Variants in LEPROTL1 observed in about 807,000 individuals in gnomAD.
LEPROTL1 encodes the protein leptin receptor overlapping transcript like 1.
Under a neutral mutation model 15.4 loss-of-function variants are expected in LEPROTL1, and 6 were observed. The ratio of observed to expected loss-of-function variants is 0.39; its 90% CI spans 0.21 to 0.77. The LOEUF (loss-of-function observed/expected upper bound fraction) is 0.77. Ranked by LOEUF, LEPROTL1 falls within the 30% of genes least tolerant of loss-of-function variation. LEPROTL1 has a pLI of 0.41. For missense variants in LEPROTL1, 128 were observed against 158.1 expected, an observed-to-expected ratio of 0.81 and a Z score of 1.02; for synonymous variants, 56 against 52.6, an observed-to-expected ratio of 1.06 and a Z score of -0.28.
chr8:30,102,057 G>C, intron 2 of LEPROTL1, 84 bp downstream of exon 2: 3 of 750,942 alleles, frequency 4.0e-6, no homozygotes, highest in Non-Finnish European at 6.6e-6. Context: ...TTTTACTACT[G>C]TAAAAGTAAT....
At chr8:30,121,845 A>G (rs1017708825) in intron 3 of LEPROTL1, among the ~76,000 whole-genome samples, 1 of 134,146 alleles carries the variant, frequency 7.5e-6, no homozygotes, top group African/African-American at 2.8e-5. Context: ...CATTCCAGTG[A>G]TTTCTTTTTT....
chr8:30,103,913 T>C (rs918743864), intron 2 of LEPROTL1, among the ~76,000 whole-genome samples: 1 of 152,118 alleles, frequency 6.6e-6, no homozygotes, highest in African/African-American at 2.4e-5. Flanking sequence ...GTTGTGAAAA[T>C]CATACACAGA....
rs1803054009 is a variant in LEPROTL1, at chr8:30,132,760, G to A, written c.394+271G>A. 1.3e-6 allele frequency: 2 copies of A among 1,551,578 alleles called. No individual in the cohort carries two copies. The highest frequency in any genetic ancestry group is 2.4e-5 in the East Asian group (1 of 40,926). ...GAAAAAGAGCAAGTAGCTGAAATAG[G>A]GCAGTGCCTTACACACATGCTCAGA... On this transcript the variant is annotated intron_variant, in intron 4 of 4. Coordinates refer to the LEPROTL1 transcript ENST00000442880.
At chr8:30,097,671 C>CAAAA (rs72163652) in intron 1 of LEPROTL1, among the ~76,000 whole-genome samples, 1,645 of 29,142 alleles carry the variant, frequency 0.056, 180 homozygotes, top group East Asian at 0.35. Flanking sequence ...GACTCTGTCT[C>CAAAA]AAAAAAAAAA....
Position 30,104,469 on chromosome 8 carries a change from T to C in LEPROTL1, c.262T>C (p.Phe88Leu), listed in dbSNP as rs1260770418. 9 of 1,605,966 alleles carry C rather than the reference T, an allele frequency of 5.6e-6. No individual in the cohort carries two copies. Among genetic ancestry groups the C allele is most frequent in the Non-Finnish European group, 7.7e-6 (9 of 1,176,388 alleles). The change falls in exon 3 of 4, where the codon TTT becomes CTT. Residue 88 changes from phenylalanine (F) to leucine (L), a missense_variant. Coordinates refer to ENST00000321250, the MANE Select transcript of LEPROTL1 (RefSeq NM_015344.3). ...VVSAFGLPIV[F>L]ARAHLIEWGA... ...GTCAGCTTTTGGACTCCCTATTGTA[T>C]TTGCCAGAGCACATCTGGTAAGTGA...
At chr8:30,123,636 A>T (rs551949961) in intron 3 of LEPROTL1, among the ~76,000 whole-genome samples, 2 of 152,340 alleles carry the variant, frequency 1.3e-5, no homozygotes, top group Admixed American at 6.5e-5. Flanking sequence ...ATATACACAC[A>T]TACAAACCTC....
At chr8:30,120,989 C>A (rs1212302216) in intron 3 of LEPROTL1, among the ~76,000 whole-genome samples, 1 of 152,190 alleles carries the variant, frequency 6.6e-6, no homozygotes, top group Non-Finnish European at 1.5e-5. Flanking sequence ...CCCCTGCTCC[C>A]AGCCCCTGGC....
Position 30,105,764 on chromosome 8 carries a change from G to A in LEPROTL1, c.298G>A (p.Ala100Thr), listed in dbSNP as rs749057013. 12 of 1,589,146 alleles carry A rather than the reference G, an allele frequency of 7.6e-6. No individual in the cohort carries two copies. In the Middle Eastern group the frequency reaches 1.0e-3, roughly 133 times the overall value. The change falls in exon 4 of 4, where the codon GCA becomes ACA. Residue 100 changes from alanine to threonine, a missense_variant. By Grantham distance (58) the Ala-to-Thr change is moderately conservative. Coordinates refer to ENST00000321250, the MANE Select transcript of LEPROTL1 (RefSeq NM_015344.3). ...TCCATAGATTGAGTGGGGAGCTTGT[G>A]CACTTGTTCTCACAGGAAACACAGT... ...RAHLIEWGAC[A>T]LVLTGNTVIF...
At chr8:30,110,922 G>T (rs191505708), downstream of LEPROTL1, among the ~76,000 whole-genome samples, 60 of 152,184 alleles carry the variant, frequency 3.9e-4, no homozygotes, top group African/African-American at 1.3e-3. Context: ...ATTTAATATT[G>T]GAAGTATCTT....
At chr8:30,136,730 C>CTTTTTTTT (rs11390350) in intron 4 of LEPROTL1, among the ~76,000 whole-genome samples, 1 of 143,788 alleles carries the variant, frequency 7.0e-6, no homozygotes, top group African/African-American at 2.6e-5. Flanking sequence ...TCCCCCCGAA[C>CTTTTTTTT]TTTTTTTTTT....
intron 1 of LEPROTL1, among the ~76,000 whole-genome samples, chr8:30,100,459 A>AT (rs886436686): frequency 6.6e-5 from 10 of 152,078 alleles, no homozygotes; most frequent in East Asian, 3.9e-4. Flanking sequence ...TTATTTATTT[A>AT]TTTTTTTTGA....
exon 5 of LEPROTL1, chr8:30,137,638 G>C (rs981831810): frequency 1.5e-6 from 1 of 684,014 alleles, no homozygotes; most frequent in Admixed American, 2.7e-5. Context: ...AAAGAAGTCT[G>C]ACCTAACCAA....
downstream of LEPROTL1, among the ~76,000 whole-genome samples, chr8:30,112,401 A>ATTTTTTTTTTTTTTTTTTTTTTTTTTTT (rs10684450): frequency 1.1e-4 from 3 of 27,888 alleles, 1 homozygote; most frequent in Non-Finnish European, 1.4e-4. Flanking sequence ...TGCCCAGCTA[A>ATTTTTTTTTTTTTTTTTTTTTTTTTTTT]TTTTTTTTTT....
rs138310182 is a variant in LEPROTL1 at position 30,117,582 on chromosome 8, A to G, written c.279+13096A>G. ...TCCACACTTGTTTAGCCTGTCTGTG[A>G]GGTTCACAACAATTTTCCCAGCTCT... On this transcript the variant is annotated intron_variant, in intron 3 of 4. Coordinates refer to the LEPROTL1 transcript ENST00000442880. 8.5e-6 allele frequency: 12 copies of G among 1,415,960 alleles called. No individual in the cohort carries two copies. In the African/African-American group the frequency reaches 1.5e-4, roughly 18 times the overall value. 87.7% of individuals were successfully genotyped at this position (1,415,960 alleles called of 1,614,324 possible). A position where few individuals can be genotyped will look rare whatever the true frequency, so the allele number is the denominator to read the frequency against.
chr8:30,117,061 G>T (rs1400551081), intron 3 of LEPROTL1, among the ~76,000 whole-genome samples: 4 of 151,198 alleles, frequency 2.6e-5, no homozygotes, highest in Admixed American at 6.6e-5. Context: ...GGAAAAAAAT[G>T]TTTTTTTTTC....
intron 3 of LEPROTL1, among the ~76,000 whole-genome samples, chr8:30,123,440 C>G (rs1802860422): frequency 6.6e-6 from 1 of 152,194 alleles, no homozygotes. Context: ...GTATTTCAAT[C>G]AATGAACATG....
intron 3 of LEPROTL1, among the ~76,000 whole-genome samples, chr8:30,131,057 G>T (rs537339486): frequency 5.3e-5 from 8 of 151,808 alleles, no homozygotes; most frequent in Non-Finnish European, 1.2e-4. Context: ...GCCTCCCAAA[G>T]TGCTGGGATT....
Position 30,101,948 on chromosome 8 carries a change from C to A in LEPROTL1, c.67C>A (p.Leu23Ile). Reference protein sequence around the residue: ...GGAIGLMFLMLGCALPIYNKY... With the variant: ...GGAIGLMFLMIGCALPIYNKY... ...AGCAATCGGACTGATGTTTTTGATG[C>A]TTGGATGTGCCCTTCCAATATACAA... Residue 23 changes from leucine to isoleucine, a missense_variant, in exon 2 of 4, where the codon CTT becomes ATT. Leu to Ile is a conservative substitution (Grantham distance 5, BLOSUM62 2). Transcript: ENST00000321250. 1 of 1,607,920 alleles carries A rather than the reference C, an allele frequency of 6.2e-7. No individual in the cohort carries two copies. The highest frequency in any genetic ancestry group is 8.5e-7 in the Non-Finnish European group (1 of 1,175,706).
intron 1 of LEPROTL1, among the ~76,000 whole-genome samples, chr8:30,100,682 C>A (rs1238134032): frequency 6.6e-6 from 1 of 152,248 alleles, no homozygotes; most frequent in Non-Finnish European, 1.5e-5. Flanking sequence ...AACCCCCAAC[C>A]TCATGATCCG....
Sources: gnomAD v4.1 joint callset for allele counts (sites outside exome capture counted in the v4.1 genomes callset) on GRCh38, gnomAD v4.1.1 for gene constraint, MANE v1.5 for transcripts, NCBI Gene and HGNC (gene_info 2026-07-23, HGNC 2026-07-21) for gene names.